Variants in ATP11A observed in about 807,000 individuals in gnomAD.
ATP11A encodes the protein phospholipid-transporting ATPase IH.
ATP11A carries 81 observed loss-of-function variants against 154.4 expected under a neutral mutation model. That is an observed-to-expected ratio of 0.52 (90% CI 0.44 to 0.63). ATP11A has a LOEUF of 0.63. ATP11A is among the 30% of genes least tolerant of loss of function. The pLI is 0.00. For missense variants in ATP11A, 1,316 were observed against 1,474.3 expected (o/e 0.89, Z 1.76); for synonymous variants, 623 against 585.9 (o/e 1.06, Z -0.91).
intron 1 of ATP11A, among the ~76,000 whole-genome samples, chr13:112,756,067 A>G (rs2076823636): frequency 6.6e-6 from 1 of 152,280 alleles, no homozygotes; most frequent in Non-Finnish European, 1.5e-5. Context: ...AGCAGATTCT[A>G]GAATCATTTC....
intron 1 of ATP11A, among the ~76,000 whole-genome samples, chr13:112,772,738 C>T (rs1171075971): frequency 6.6e-6 from 1 of 152,234 alleles, no homozygotes; most frequent in African/African-American, 2.4e-5. Flanking sequence ...TGGATGGAGT[C>T]AAGCAGCCTG....
At chr13:112,694,216 A>G (rs1402252647) in intron 1 of ATP11A, among the ~76,000 whole-genome samples, 1 of 152,212 alleles carries the variant, frequency 6.6e-6, no homozygotes, top group Admixed American at 6.5e-5. Flanking sequence ...CTCTGAGGGT[A>G]AGAGCAGTAC....
rs2080979221 is a variant in ATP11A at position 112,886,234 on chromosome 13, C to G, written c.*4368C>G. 1 of 152,240 alleles carries G rather than the reference C, an allele frequency of 6.6e-6. No individual in the cohort carries two copies. Among genetic ancestry groups the G allele is most frequent in the South Asian group, 2.1e-4 (1 of 4,834 alleles). The allele number at this position is 152,240 out of a possible 1,614,324, so 9.4% of individuals were successfully genotyped here. A position where few individuals can be genotyped will look rare whatever the true frequency, so the allele number is the denominator to read the frequency against. On this transcript the variant is annotated 3_prime_UTR_variant, in exon 30 of 30. Coordinates refer to ENST00000375645, the MANE Select transcript of ATP11A (RefSeq NM_015205.3). ...TCCAACAGGGTGACCATCCGCTCGG[C>G]TTGCTGAGCGTTTAAACAAATGTTT...
At position 112,870,698 on chromosome 13, in the gene ATP11A, A is replaced by G. The variant is rs1316087440; in HGVS notation, c.2992-1037A>G. ...GGCCCGCTTTTTAATTCTTTATAAA[A>G]TAAAATTCCCTGCGAGGTGCAGTTC... On this transcript the variant is annotated intron_variant, in intron 25 of 29. Coordinates refer to ENST00000375645, the MANE Select transcript of ATP11A (RefSeq NM_015205.3). 2.6e-5 allele frequency among the ~76,000 whole-genome samples: 4 copies of G among 152,238 alleles called. No homozygotes were observed. In the East Asian group the frequency reaches 7.7e-4, roughly 29 times the overall value.
chr13:112,831,386 C>A lies in ATP11A; in HGVS notation c.1233C>A (p.Ile411=), dbSNP rs748539192. 4 of 1,614,000 alleles carry A rather than the reference C, an allele frequency of 2.5e-6. No homozygotes were observed. The highest frequency in any genetic ancestry group is 3.4e-6 in the Non-Finnish European group (4 of 1,179,950). The change falls in exon 13 of 30, where the codon ATC becomes ATA. Residue 411 remains isoleucine (I), a synonymous_variant. Transcript: ENST00000375645. ...TGCCCTGCCCGCAGGTGGAGTACAT[C>A]TTCACAGACAAGACCGGCACCCTCA... ...LNEELGQVEY[I]FTDKTGTLTE...
At position 112,823,395 on chromosome 13, in the gene ATP11A, C is replaced by G. The variant is rs2078851399; in HGVS notation, c.776C>G (p.Thr259Ser). The G allele has an allele frequency of 1.9e-6, 3 of 1,611,812 alleles. No individual in the cohort carries two copies. The highest frequency in any genetic ancestry group is 1.7e-5 in the Admixed American group (1 of 59,916). The change falls in exon 9 of 30, where the codon ACT becomes AGT. Residue 259 changes from threonine to serine, a missense_variant. Coordinates refer to ENST00000375645, the MANE Select transcript of ATP11A (RefSeq NM_015205.3). Reference protein sequence around the residue: ...LLLRGATLKNTEKIFGVAIYT... With the variant: ...LLLRGATLKNSEKIFGVAIYT... Reference sequence around the variant, plus strand: ...CTTAGAGGAGCTACACTGAAGAACACTGAGAAAATCTTTGGTAAATATTTA... The same window carrying G: ...CTTAGAGGAGCTACACTGAAGAACAGTGAGAAAATCTTTGGTAAATATTTA...
chr13:112,842,542 G>A (rs1031216077), intron 17 of ATP11A, among the ~76,000 whole-genome samples, 163 bp downstream of exon 17: 2 of 152,242 alleles, frequency 1.3e-5, no homozygotes, highest in East Asian at 1.9e-4. Flanking sequence ...AGCCTCAGCC[G>A]GCACCGACCC....
chr13:112,831,075 A>T (rs145085940), intron 12 of ATP11A, among the ~76,000 whole-genome samples: 201 of 152,234 alleles, frequency 1.3e-3, no homozygotes, highest in African/African-American at 4.3e-3. Flanking sequence ...GGGGAATGGG[A>T]CTATGAGACC....
chr13:112,875,726 G>T lies in ATP11A; in HGVS notation c.3162-50G>T. ...GCCTCTCCAGTGAGTAGAGAGGCCA[G>T]CCCCAGGGAGTACATGCCTCACCAG... On this transcript the variant is annotated intron_variant, in intron 27 of 29. Coordinates refer to ENST00000375645, the MANE Select transcript of ATP11A (RefSeq NM_015205.3). This position sits in a 1 kb window ranked among gnomAD's most constrained non-coding sequence, Gnocchi z 4.1. 6.3e-7 allele frequency: 1 copy of T among 1,588,626 alleles called. No individual in the cohort carries two copies.
rs369275070 is a variant in ATP11A, at chr13:112,777,007, G to C, written c.40-8128G>C. 3.9e-4 allele frequency among the ~76,000 whole-genome samples: 59 copies of C among 152,306 alleles called. 1 individual carries two copies. The highest frequency in any genetic ancestry group is 1.3e-3 in the African/African-American group (52 of 41,556). ...CATCGTAGATCTTCTGAAACGCAGC[G>C]TCTTGCCCCTTGAGCCTCTCTGCAC... On this transcript the variant is annotated intron_variant, in intron 1 of 29. Coordinates refer to ENST00000375645, the MANE Select transcript of ATP11A (RefSeq NM_015205.3).
intron 17 of ATP11A, among the ~76,000 whole-genome samples, chr13:112,845,229 C>T (rs1036620067): frequency 3.6e-5 from 4 of 111,054 alleles, no homozygotes; most frequent in Admixed American, 9.0e-5. Context: ...GTCCAGTTGC[C>T]GGGCACTAGC....
chr13:112,878,938 C>T (rs1415593779), intron 29 of ATP11A, among the ~76,000 whole-genome samples: 1 of 152,188 alleles, frequency 6.6e-6, no homozygotes, highest in Admixed American at 6.5e-5. Context: ...ATGAAAACCT[C>T]ATTGTTTTTC....
chr13:112,785,279 T>C lies in ATP11A; in HGVS notation c.162+22T>C, dbSNP rs2077596343. 7.0e-7 allele frequency: 1 copy of C among 1,430,266 alleles called. No individual in the cohort carries two copies. Among genetic ancestry groups the C allele is most frequent in the Non-Finnish European group, 9.2e-7 (1 of 1,083,562 alleles). The allele number at this position is 1,430,266 out of a possible 1,614,324, so 88.6% of individuals were successfully genotyped here. A position where few individuals can be genotyped will look rare whatever the true frequency, so the allele number is the denominator to read the frequency against. On this transcript the variant is annotated intron_variant, in intron 2 of 29. Coordinates refer to ENST00000375645, the MANE Select transcript of ATP11A (RefSeq NM_015205.3). The surrounding 1 kb of genome is among the most constrained non-coding windows in gnomAD (Gnocchi z 4.8). ...CAAGGTAACTTGGCTTGGGTCTGAGTGTCCATAATGTGTCTAAAAAGCAGC... is the reference window on the plus strand; with the variant it reads ...CAAGGTAACTTGGCTTGGGTCTGAGCGTCCATAATGTGTCTAAAAAGCAGC...
At chr13:112,880,046 C>A (rs1012362885) in intron 29 of ATP11A, among the ~76,000 whole-genome samples, 3 of 152,184 alleles carry the variant, frequency 2.0e-5, no homozygotes, top group Admixed American at 1.3e-4. Context: ...ATTCCAAGCC[C>A]GCAGTTCTTC....
At chr13:112,844,498 A>T (rs1008823835) in intron 17 of ATP11A, among the ~76,000 whole-genome samples, 2 of 151,558 alleles carry the variant, frequency 1.3e-5, no homozygotes, top group African/African-American at 2.4e-5. Context: ...ATCCCTGCCA[A>T]CTCCCACTCG....
chr13:112,869,322 C>T (rs1369336737), intron 25 of ATP11A, among the ~76,000 whole-genome samples: 1 of 152,260 alleles, frequency 6.6e-6, no homozygotes. Flanking sequence ...AAGCTTACAG[C>T]TGTGGCCCAT....
At chr13:112,818,155 G>GTGCGCTTGGTGACACGGCGGTGACCGTA (rs2078695075) in intron 6 of ATP11A, among the ~76,000 whole-genome samples, 1 of 149,518 alleles carries the variant, frequency 6.7e-6, no homozygotes, top group South Asian at 2.2e-4. Flanking sequence ...CGGTGACCGT[G>GTGCGCTTGGTGACACGGCGGTGACCGTA]TGTGCGCTTG....
chr13:112,815,235 C>A (rs1453281212), intron 5 of ATP11A, among the ~76,000 whole-genome samples: 1 of 151,328 alleles, frequency 6.6e-6, no homozygotes, highest in African/African-American at 2.4e-5. Context: ...ACAGTCCAGG[C>A]CACTGAGATG....
At chr13:112,812,393 C>A (rs1020560497) in intron 5 of ATP11A, among the ~76,000 whole-genome samples, 7 of 152,210 alleles carry the variant, frequency 4.6e-5, no homozygotes, top group Non-Finnish European at 8.8e-5. Flanking sequence ...GCCCCACTGC[C>A]TCCCTGGCTG....
Sources: gnomAD v4.1 joint callset for allele counts (sites outside exome capture counted in the v4.1 genomes callset) on GRCh38, gnomAD v4.1.1 for gene constraint, Gnocchi (gnomAD v3.1) non-coding constraint, MANE v1.5 for transcripts, NCBI Gene and HGNC (gene_info 2026-07-23, HGNC 2026-07-21) for gene names.